The following CUL2 variants were observed in gnomAD, a reference collection of about 807,000 sequenced individuals.
CUL2 encodes the protein cullin-2.
In CUL2, 22 loss-of-function variants were observed where a neutral mutation model predicts 110.2. The observed-to-expected ratio is 0.20, with a 90% confidence interval of 0.14 to 0.28. The LOEUF is 0.28. CUL2 is among the 10% of genes least tolerant of loss of function. The pLI, the probability that CUL2 is intolerant of heterozygous loss-of-function variation, is 1.00. For missense variants in CUL2, 631 were observed against 905.5 expected, an observed-to-expected ratio of 0.70 and a Z score of 3.89; for synonymous variants, 279 against 293.2, an observed-to-expected ratio of 0.95 and a Z score of 0.49.
chr10:35,040,501 G>A (rs1161477310), intron 8 of CUL2, among the ~76,000 whole-genome samples: 1 of 152,196 alleles, frequency 6.6e-6, no homozygotes, highest in Non-Finnish European at 1.5e-5. Context: ...CTGGGCACAA[G>A]GAGTGAAAAT....
At chr10:35,067,787 T>C (rs902121488) in intron 2 of CUL2, among the ~76,000 whole-genome samples, 1 of 151,032 alleles carries the variant, frequency 6.6e-6, no homozygotes, top group African/African-American at 2.4e-5. Context: ...TCTATTTATA[T>C]AAAGTCCAAG....
chr10:35,010,281 C>G lies in CUL2; in HGVS notation c.*30G>C, dbSNP rs571831441. On this transcript the variant is annotated 3_prime_UTR_variant, in exon 21 of 21. Coordinates refer to ENST00000374749, the MANE Select transcript of CUL2 (RefSeq NM_003591.4). Reference sequence around the variant, plus strand: ...CACACCAAATGGTGATGGCAATGATCTTCTCACACCACGCTGGAGGAGAGC... The same window carrying G: ...CACACCAAATGGTGATGGCAATGATGTTCTCACACCACGCTGGAGGAGAGC... 3.0e-4 allele frequency: 469 copies of G among 1,558,378 alleles called. 5 individuals carry two copies. The South Asian group carries it at 5.3e-3, about 18-fold the overall frequency.
At chr10:35,123,780 TGTAA>T (rs1210162914) in intron 1 of CUL2, among the ~76,000 whole-genome samples, 2 of 152,212 alleles carry the variant, frequency 1.3e-5, no homozygotes, top group Non-Finnish European at 2.9e-5. Context: ...TCATGGGCCA[TGTAA>T]GTGAGAACTG....
At chr10:35,081,556 AG>A (rs1393468750) in intron 1 of CUL2, among the ~76,000 whole-genome samples, 1 of 152,206 alleles carries the variant, frequency 6.6e-6, no homozygotes, top group Non-Finnish European at 1.5e-5. Context: ...TACTAGACAA[AG>A]CTAGAACCAA....
At chr10:35,064,164 A>G (rs986219822) in intron 2 of CUL2, 2 of 152,192 alleles carry the variant, frequency 1.3e-5, no homozygotes, top group Admixed American at 1.3e-4. Context: ...ATAAATTCAT[A>G]TATGTTAAAG....
chr10:35,010,859 A>C (rs978275660), intron 20 of CUL2, among the ~76,000 whole-genome samples: 2 of 152,146 alleles, frequency 1.3e-5, no homozygotes, highest in Non-Finnish European at 1.5e-5. Context: ...TTCTTCCCCC[A>C]TTAAACTGTG....
rs143064995 is a variant in CUL2, at chr10:35,019,231, T to C, written c.1685-2837A>G. Among the ~76,000 whole-genome samples, 730 of 152,290 alleles carry C rather than the reference T, an allele frequency of 4.8e-3. 3 individuals carry two copies. Among genetic ancestry groups the C allele is most frequent in the Non-Finnish European group, 6.9e-3 (468 of 68,018 alleles). On this transcript the variant is annotated intron_variant, in intron 17 of 20. Transcript: ENST00000374749. ...AGCCAGGATGTCACTGATGCTGTAA[T>C]ATGCTGCCGTGGGTTTGAAAGCAGA...
At position 35,013,668 on chromosome 10, in the gene CUL2, T is replaced by A. The variant is rs576741732; in HGVS notation, c.1989+31A>T. 10 of 1,416,636 alleles carry A rather than the reference T, an allele frequency of 7.1e-6. No individual in the cohort carries two copies. In the South Asian group the frequency reaches 1.3e-4, roughly 18 times the overall value. The allele number at this position is 1,416,636 out of a possible 1,614,324, so 87.8% of individuals were successfully genotyped here. On this transcript the variant is annotated intron_variant, in intron 19 of 20. Coordinates refer to ENST00000374749, the MANE Select transcript of CUL2 (RefSeq NM_003591.4). Reference sequence around the variant, plus strand: ...AGTCCAATGCTTAAATGTTTCCCCCTCAAAAAAAACTTGACATTAAAAGCA... The same window carrying A: ...AGTCCAATGCTTAAATGTTTCCCCCACAAAAAAAACTTGACATTAAAAGCA...
intron 1 of CUL2, among the ~76,000 whole-genome samples, chr10:35,079,833 C>A (rs1350753204): frequency 6.6e-6 from 1 of 152,138 alleles, no homozygotes; most frequent in Non-Finnish European, 1.5e-5. Context: ...GGGGCCCTTA[C>A]TAAGTAAAAT....
In CUL2 at chr10:35,010,294, G is replaced by A. The variant is rs779885391; in HGVS notation, c.*17C>T. 2.6e-5 allele frequency: 41 copies of A among 1,594,572 alleles called. No homozygotes were observed. Among genetic ancestry groups the A allele is most frequent in the Non-Finnish European group, 2.8e-5 (33 of 1,169,732 alleles). ...GATGGCAATGATCTTCTCACACCACGCTGGAGGAGAGCGACATCACGCGAC... is the reference window on the plus strand; with the variant it reads ...GATGGCAATGATCTTCTCACACCACACTGGAGGAGAGCGACATCACGCGAC... On this transcript the variant is annotated 3_prime_UTR_variant, in exon 21 of 21. Transcript: ENST00000374749.
At chr10:35,072,021 G>A (rs1291082569) in intron 1 of CUL2, among the ~76,000 whole-genome samples, 1 of 152,180 alleles carries the variant, frequency 6.6e-6, no homozygotes, top group Middle Eastern at 3.2e-3. Context: ...TCAACCGAAA[G>A]GTTTTGGCCC....
intron 18 of CUL2, among the ~76,000 whole-genome samples, chr10:35,014,812 G>A (rs1588944880): frequency 6.6e-6 from 1 of 151,612 alleles, no homozygotes; most frequent in Non-Finnish European, 1.5e-5. Flanking sequence ...CAACCTGGGT[G>A]GCACAGCAAG....
chr10:35,010,150 T>C lies in CUL2; in HGVS notation c.*161A>G. The stretch of plus-strand genomic sequence containing the variant: ...GAGCTTGAAATATCTCTAGGCATTT[T>C]CTTTGACGCTCATGACGTGGCACTG... On this transcript the variant is annotated 3_prime_UTR_variant, in exon 21 of 21. Transcript: ENST00000374749. 1 of 494,992 alleles carries C rather than the reference T, an allele frequency of 2.0e-6. No individual in the cohort carries two copies. The highest frequency in any genetic ancestry group is 3.2e-6 in the Non-Finnish European group (1 of 310,740). 30.7% of individuals were successfully genotyped at this position (494,992 alleles called of 1,614,324 possible). A position where few individuals can be genotyped will look rare whatever the true frequency, so the allele number is the denominator to read the frequency against.
At chr10:35,067,156 A>AG (rs2086552922) in intron 2 of CUL2, among the ~76,000 whole-genome samples, 1 of 151,744 alleles carries the variant, frequency 6.6e-6, no homozygotes, top group Admixed American at 6.6e-5. Context: ...AAAAAAAAAA[A>AG]AAGAAATGAA....
At chr10:35,048,127 AAAT>A (rs928909873) in intron 6 of CUL2, among the ~76,000 whole-genome samples, 4 of 152,136 alleles carry the variant, frequency 2.6e-5, no homozygotes, top group African/African-American at 9.7e-5. Flanking sequence ...GATGGATGTA[AAAT>A]TTTTAGCACA....
intron 8 of CUL2, among the ~76,000 whole-genome samples, chr10:35,039,758 G>A (rs1052638987): frequency 6.6e-6 from 1 of 152,120 alleles, no homozygotes; most frequent in African/African-American, 2.4e-5. Flanking sequence ...GGGAGGCCAG[G>A]GCAAGAGAAT....
At chr10:35,086,989 A>ATGTT (rs2087081376) in intron 1 of CUL2, among the ~76,000 whole-genome samples, 1 of 152,244 alleles carries the variant, frequency 6.6e-6, no homozygotes, top group Admixed American at 6.5e-5. Flanking sequence ...TTTGGCTCCA[A>ATGTT]GGAAAGCTGG....
At chr10:35,089,163 A>G (rs1187012635) in intron 1 of CUL2, among the ~76,000 whole-genome samples, 2 of 152,218 alleles carry the variant, frequency 1.3e-5, no homozygotes, top group African/African-American at 4.8e-5. Flanking sequence ...TGACAAGAGC[A>G]AAACTCCATC....
intron 1 of CUL2, among the ~76,000 whole-genome samples, chr10:35,101,867 G>A (rs540689020): frequency 2.0e-5 from 3 of 152,332 alleles, no homozygotes; most frequent in Non-Finnish European, 2.9e-5. Flanking sequence ...TAATTAGAGG[G>A]AGTAGAACTA....
Sources: gnomAD v4.1 joint callset for allele counts (sites outside exome capture counted in the v4.1 genomes callset) on GRCh38, gnomAD v4.1.1 for gene constraint, MANE v1.5 for transcripts, NCBI Gene and HGNC (gene_info 2026-07-23, HGNC 2026-07-21) for gene names.